The following TATDN1 variants were observed in gnomAD, a reference collection of about 807,000 sequenced individuals.
The protein encoded by TATDN1 is deoxyribonuclease TATDN1.
TATDN1 carries 40 observed loss-of-function variants against 46.4 expected under a neutral mutation model. The observed-to-expected ratio is 0.86, with a 90% CI of 0.67 to 1.12. TATDN1 has a LOEUF of 1.12. Ranked by LOEUF, TATDN1 falls within the 50% of genes most tolerant of loss-of-function variation. TATDN1 has a pLI of 0.00. For missense variants in TATDN1, 326 were observed against 348.4 expected, an observed-to-expected ratio of 0.94 and a Z score of 0.51; for synonymous variants, 95 against 105.6, an observed-to-expected ratio of 0.90 and a Z score of 0.62.
chr8:124,502,092 T>C (rs774567074), intron 9 of TATDN1, among the ~76,000 whole-genome samples: 2 of 152,098 alleles, frequency 1.3e-5, no homozygotes, highest in Non-Finnish European at 2.9e-5. Flanking sequence ...CCCAGCACTT[T>C]GGGAGGCCGA....
chr8:124,520,786 C>A (rs1490428745), intron 3 of TATDN1, among the ~76,000 whole-genome samples: 2 of 150,606 alleles, frequency 1.3e-5, no homozygotes, highest in African/African-American at 4.9e-5. Context: ...ACTAAAAATA[C>A]AAAAAAATTA....
intron 10 of TATDN1, 24 bp from the exon 11 acceptor site, chr8:124,493,983 C>T (rs988749469): frequency 5.7e-6 from 9 of 1,575,604 alleles, no homozygotes; most frequent in Non-Finnish European, 7.7e-6. Context: ...GAAAGTGTCT[C>T]GTAAGGGGTT....
chr8:124,503,703 GACAAA>G (rs1818169425), intron 9 of TATDN1: 1 of 295,878 alleles, frequency 3.4e-6, no homozygotes, highest in Admixed American at 3.7e-5. Flanking sequence ...TTACATATGT[GACAAA>G]ACCAACCCAG....
Position 124,516,020 on chromosome 8 carries a change from G to T in TATDN1, c.213C>A (p.Phe71Leu). 2 of 1,603,946 alleles carry T rather than the reference G, an allele frequency of 1.2e-6. No homozygotes were observed. Among genetic ancestry groups the T allele is most frequent in the South Asian group, 1.1e-5 (1 of 88,220 alleles). Residue 71 changes from phenylalanine (F) to leucine (L), a missense_variant, in exon 5 of 12, where the codon TTC (phenylalanine) becomes TTA (leucine). Coordinates refer to ENST00000276692, the MANE Select transcript of TATDN1 (RefSeq NM_032026.4). ...TTGTAGGATGACATCCAACTGTACT[G>T]AAAAACATACCTAACAGAAAATAAT... ...LHLAQTNGMF[F>L]STVGCHPTRC...
chr8:124,532,771 G>T (rs1033916596), intron 1 of TATDN1, among the ~76,000 whole-genome samples: 10 of 152,248 alleles, frequency 6.6e-5, no homozygotes, highest in Admixed American at 2.0e-4. Context: ...AGATCGGGCA[G>T]TTGGCTGGGG....
intron 6 of TATDN1, among the ~76,000 whole-genome samples, chr8:124,513,853 T>C (rs1819235590): frequency 6.6e-6 from 1 of 152,168 alleles, no homozygotes; most frequent in Non-Finnish European, 1.5e-5. Flanking sequence ...GAATATGATA[T>C]CTGGGCTTAA....
At chr8:124,521,633 G>GGC (rs1563679794) in intron 3 of TATDN1, 1 of 152,426 alleles carries the variant, frequency 6.6e-6, no homozygotes, top group Non-Finnish European at 1.5e-5. Context: ...CTTAGTGTAT[G>GGC]TGTGGGCTAG....
rs771945528 is a variant in TATDN1, at chr8:124,488,605, G to GA, written c.882dup (p.Pro295SerfsTer24). On this transcript the variant is annotated frameshift_variant, in exon 12 of 12. Coordinates refer to ENST00000276692, the MANE Select transcript of TATDN1 (RefSeq NM_032026.4). LOFTEE classifies it high-confidence loss of function. ...AAGACATATACCAATTATATTCCAG[G>GA]AAAAAATACTTTAATAGTATTGTTA... 44 of 1,531,728 alleles carry GA rather than the reference G, an allele frequency of 2.9e-5. No homozygotes were observed. In the African/African-American group the frequency reaches 4.7e-4, roughly 16 times the overall value. The allele number at this position is 1,531,728 out of a possible 1,614,324, so 94.9% of individuals were successfully genotyped here.
chr8:124,521,913 T>A (rs1051678255), intron 3 of TATDN1: 34 of 342,782 alleles, frequency 9.9e-5, no homozygotes, highest in African/African-American at 7.2e-4. Context: ...AAATTTTTTT[T>A]CAAGGAGCTT....
At chr8:124,535,739 A>C (rs1821377752) in intron 1 of TATDN1, among the ~76,000 whole-genome samples, 1 of 152,226 alleles carries the variant, frequency 6.6e-6, no homozygotes, top group Non-Finnish European at 1.5e-5. Flanking sequence ...TGGGTGATTT[A>C]TAAAGAAAAG....
chr8:124,489,816 A>G (rs368576436), intron 11 of TATDN1: 2 of 152,258 alleles, frequency 1.3e-5, no homozygotes, highest in African/African-American at 4.8e-5. Context: ...GAAAGTTCCA[A>G]AGTCCAAATT....
chr8:124,494,222 T>G (rs1010252929), intron 10 of TATDN1: 3 of 243,460 alleles, frequency 1.2e-5, no homozygotes, highest in Non-Finnish European at 1.6e-5. Context: ...GACCTAAACC[T>G]TAAATACAAT....
intron 6 of TATDN1, 115 bp from the exon 7 acceptor site, chr8:124,508,803 G>T: frequency 3.0e-6 from 2 of 663,570 alleles, no homozygotes; most frequent in Non-Finnish European, 4.9e-6. Context: ...GAAATTACAG[G>T]ACAAAAATCA....
chr8:124,532,171 C>G (rs576273290), intron 1 of TATDN1, among the ~76,000 whole-genome samples: 1 of 152,242 alleles, frequency 6.6e-6, no homozygotes, highest in South Asian at 2.1e-4. Flanking sequence ...CTGCTGCATC[C>G]ACTAGGTGGT....
intron 5 of TATDN1, 21 bp downstream of exon 5, chr8:124,515,866 A>G: frequency 8.1e-6 from 13 of 1,613,856 alleles, no homozygotes; most frequent in Non-Finnish European, 1.1e-5. Context: ...TGTCACTCTA[A>G]GAGGCGAGGC....
At chr8:124,504,001 T>C (rs1324478818) in intron 9 of TATDN1, 3 of 1,225,826 alleles carry the variant, frequency 2.4e-6, no homozygotes, top group Non-Finnish European at 3.3e-6. Context: ...ATAAATTGGA[T>C]TACCAGAGAA....
At chr8:124,508,718 T>C in intron 6 of TATDN1, 30 bp from the exon 7 acceptor site, 3 of 1,347,656 alleles carry the variant, frequency 2.2e-6, no homozygotes, top group South Asian at 2.8e-5. Context: ...AAAATTCTCA[T>C]TACAAATTGT....
chr8:124,511,304 G>A (rs148212189), intron 6 of TATDN1, among the ~76,000 whole-genome samples: 170 of 152,270 alleles, frequency 1.1e-3, no homozygotes, highest in Admixed American at 3.5e-3. Flanking sequence ...AAAAAGCCCA[G>A]TGAGTTTCAT....
intron 8 of TATDN1, among the ~76,000 whole-genome samples, chr8:124,506,308 C>G (rs1406344784): frequency 2.4e-5 from 3 of 124,026 alleles, no homozygotes; most frequent in African/African-American, 9.9e-5. Flanking sequence ...GCACTCCAGC[C>G]TGGGTGACAG....
Sources: gnomAD v4.1 joint callset for allele counts (sites outside exome capture counted in the v4.1 genomes callset) on GRCh38, gnomAD v4.1.1 for gene constraint, MANE v1.5 for transcripts, NCBI Gene and HGNC (gene_info 2026-07-23, HGNC 2026-07-21) for gene names.